Variants in TMC5 observed in about 807,000 individuals in gnomAD.
The protein encoded by TMC5 is transmembrane channel-like protein 5.
In TMC5, 86 loss-of-function variants were observed where a neutral mutation model predicts 110.5. That is an observed-to-expected ratio of 0.78 (90% CI 0.65 to 0.93). TMC5 has a LOEUF of 0.93. Ranked by LOEUF, TMC5 falls within the 40% of genes least tolerant of loss-of-function variation. TMC5 has a pLI of 0.00. For synonymous variants in TMC5, 455 were observed against 439.5 expected (o/e 1.04, Z -0.44); for missense variants, 1,144 against 1,222.8 (o/e 0.94, Z 0.96).
At position 19,497,144 on chromosome 16, in the gene TMC5, G is replaced by C; in HGVS notation, c.2955G>C (p.Gly985=). The C allele has an allele frequency of 1.2e-6, 2 of 1,613,930 alleles. No individual in the cohort carries two copies. The highest frequency in any genetic ancestry group is 1.7e-6 in the Non-Finnish European group (2 of 1,179,948). ...AGCAACAAGGCTTTTTGCATTTGGGGGAACATGATGGCAGTCTTGGTGAGT... is the reference window on the plus strand; with the variant it reads ...AGCAACAAGGCTTTTTGCATTTGGGCGAACATGATGGCAGTCTTGGTGAGT... ...EVEQQGFLHL[G]EHDGSLDLRS... Residue 985 remains glycine, a synonymous_variant, in exon 21 of 22, where the codon GGG becomes GGC. Coordinates refer to ENST00000542583, the MANE Select transcript of TMC5 (RefSeq NM_001261841.2).
chr16:19,497,062 A>G, intron 20 of TMC5, 59 bp from the exon 21 acceptor site: 1 of 1,590,098 alleles, frequency 6.3e-7, no homozygotes, highest in Non-Finnish European at 8.6e-7. Context: ...AATATGTGAC[A>G]AGACCCAGAA....
At chr16:19,446,089 TG>T (rs1483481476) in intron 4 of TMC5, among the ~76,000 whole-genome samples, 496 of 10,468 alleles carry the variant, frequency 0.047, 2 homozygotes, top group African/African-American at 0.15. Context: ...GGGGAAGAGT[TG>T]GGGGGAGGTG....
Position 19,498,183 on chromosome 16 carries a change from T to C in TMC5, c.*217T>C, listed in dbSNP as rs914969417. ...TGCTGATTTTTCAAGACAAAATACT[T>C]GGGGTTTTCCAATAAAGATTGTTGT... On this transcript the variant is annotated 3_prime_UTR_variant, in exon 22 of 22. Coordinates refer to ENST00000542583, the MANE Select transcript of TMC5 (RefSeq NM_001261841.2). 2 of 555,280 alleles carry C rather than the reference T, an allele frequency of 3.6e-6. No homozygotes were observed. Among genetic ancestry groups the C allele is most frequent in the African/African-American group, 3.8e-5 (2 of 52,230 alleles). 34.4% of individuals were successfully genotyped at this position (555,280 alleles called of 1,614,324 possible). A position where few individuals can be genotyped will look rare whatever the true frequency, so the allele number is the denominator to read the frequency against.
intron 1 of TMC5, among the ~76,000 whole-genome samples, chr16:19,412,458 C>T (rs1966858060): frequency 6.6e-6 from 1 of 152,052 alleles, no homozygotes; most frequent in South Asian, 2.1e-4. Context: ...CGCTGTCTCC[C>T]AGGTTCAAGC....
At chr16:19,480,670 T>C (rs1968595441) in intron 14 of TMC5, among the ~76,000 whole-genome samples, 1 of 151,942 alleles carries the variant, frequency 6.6e-6, no homozygotes, top group Non-Finnish European at 1.5e-5. Context: ...CCGAGCATGG[T>C]GGTGTGTGCC....
In TMC5 at chr16:19,440,521, G is replaced by T. The variant is rs771364798; in HGVS notation, c.483G>T (p.Pro161=). The change falls in exon 3 of 22, where the codon CCG becomes CCT. Residue 161 remains proline (P), a synonymous_variant. Transcript: ENST00000542583. ...THPDHFGSLE[P]DYPGAQSNSD... ...CAGATCATTTTGGCTCCTTAGAACC[G>T]GACTACCCTGGAGCTCAGAGCAACT... 1 of 1,614,100 alleles carries T rather than the reference G, an allele frequency of 6.2e-7. No homozygotes were observed. The highest frequency in any genetic ancestry group is 1.7e-5 in the Admixed American group (1 of 60,006).
At position 19,448,650 on chromosome 16, in the gene TMC5, A is replaced by AT. The variant is rs905786305; in HGVS notation, c.959-886dup. Among the ~76,000 whole-genome samples the AT allele has an allele frequency of 9.7e-5, 14 of 143,718 alleles. No homozygotes were observed. In the South Asian group the frequency reaches 2.8e-3, roughly 29 times the overall value. 94.3% of individuals were successfully genotyped at this position (143,718 alleles called of 152,430 possible). On this transcript the variant is annotated intron_variant, in intron 4 of 21. Coordinates refer to ENST00000542583, the MANE Select transcript of TMC5 (RefSeq NM_001261841.2). The stretch of plus-strand genomic sequence containing the variant: ...TATATTAATATATATATTTAATGTA[A>AT]TTTTTTATATTATATTTTATATTAA...
At position 19,436,316 on chromosome 16, in the gene TMC5, G is replaced by A. The variant is rs1016098702; in HGVS notation, c.-79-3644G>A. Among the ~76,000 whole-genome samples, 4 of 137,958 alleles carry A rather than the reference G, an allele frequency of 2.9e-5. No individual in the cohort carries two copies. In the South Asian group the frequency reaches 9.5e-4, roughly 33 times the overall value. The allele number at this position is 137,958 out of a possible 152,430, so 90.5% of individuals were successfully genotyped here. A position where few individuals can be genotyped will look rare whatever the true frequency, so the allele number is the denominator to read the frequency against. On this transcript the variant is annotated intron_variant, in intron 2 of 21. Transcript: ENST00000542583. ...AAAAAGAAAAAGAAAAACAGTTTCC[G>A]TGAACATTTTTCTTATCTTTTGGTA...
intron 5 of TMC5, among the ~76,000 whole-genome samples, chr16:19,451,481 A>G (rs2143519739): frequency 6.6e-6 from 1 of 152,250 alleles, no homozygotes; most frequent in East Asian, 1.9e-4. Flanking sequence ...ATATGTTTAA[A>G]TGTTATGACT....
In TMC5 at chr16:19,457,302, G is replaced by A. The variant is rs1326297574; in HGVS notation, c.1049-2933G>A. On this transcript the variant is annotated intron_variant, in intron 5 of 21. Coordinates refer to ENST00000542583, the MANE Select transcript of TMC5 (RefSeq NM_001261841.2). Reference sequence around the variant, plus strand: ...CCAGCTACTCAGGAGGCTAAGGTGGGAAGATCACTTGAGCCTAGGAGTTGG... The same window carrying A: ...CCAGCTACTCAGGAGGCTAAGGTGGAAAGATCACTTGAGCCTAGGAGTTGG... Among the ~76,000 whole-genome samples the A allele has an allele frequency of 2.0e-5, 3 of 152,302 alleles. 1 individual carries two copies. The South Asian group carries it at 6.2e-4, about 32-fold the overall frequency.
upstream of TMC5, among the ~76,000 whole-genome samples, chr16:19,416,791 T>C (rs1041980120): frequency 3.3e-5 from 5 of 152,242 alleles, no homozygotes; most frequent in Admixed American, 1.3e-4. Context: ...GGGATGTATC[T>C]ATAGAAAAAT....
At chr16:19,484,796 A>G (rs1440525810) in intron 15 of TMC5, among the ~76,000 whole-genome samples, 3 of 151,272 alleles carry the variant, frequency 2.0e-5, no homozygotes, top group Non-Finnish European at 4.4e-5. Flanking sequence ...AGAAATTACC[A>G]TTATGACTTC....
intron 8 of TMC5, among the ~76,000 whole-genome samples, chr16:19,464,906 T>C (rs1968120231): frequency 6.6e-6 from 1 of 151,944 alleles, no homozygotes; most frequent in Non-Finnish European, 1.5e-5. Context: ...ACCAAATAGA[T>C]GACAGGCACA....
At chr16:19,448,577 C>T (rs1410230858) in intron 4 of TMC5, among the ~76,000 whole-genome samples, 2 of 149,528 alleles carry the variant, frequency 1.3e-5, no homozygotes, top group African/African-American at 4.9e-5. Context: ...TGAAATCGCA[C>T]CACTGCACTC....
chr16:19,413,677 G>C (rs1966863815), upstream of TMC5, among the ~76,000 whole-genome samples: 1 of 151,676 alleles, frequency 6.6e-6, no homozygotes, highest in African/African-American at 2.4e-5. Flanking sequence ...AGGAATCCTA[G>C]CCTTTTAACA....
intron 6 of TMC5, chr16:19,462,503 C>T (rs1302320764): frequency 1.4e-5 from 10 of 701,622 alleles, no homozygotes; most frequent in African/African-American, 3.5e-5. Context: ...TTCCACACAG[C>T]AGGGGAGGCC....
At chr16:19,438,037 C>G (rs1967386295) in intron 2 of TMC5, among the ~76,000 whole-genome samples, 1 of 152,132 alleles carries the variant, frequency 6.6e-6, no homozygotes, top group Non-Finnish European at 1.5e-5. Context: ...CCTGAATCAC[C>G]TGGACCAAGA....
At chr16:19,451,038 G>A (rs1254795949) in intron 5 of TMC5, among the ~76,000 whole-genome samples, 3 of 152,174 alleles carry the variant, frequency 2.0e-5, no homozygotes, top group Non-Finnish European at 4.4e-5. Context: ...GGAGACCGAG[G>A]CGGTAGGATT....
Position 19,495,077 on chromosome 16 carries a change from G to C in TMC5, c.2931+711G>C, listed in dbSNP as rs1032841979. On this transcript the variant is annotated intron_variant, in intron 20 of 21. Coordinates refer to ENST00000542583, the MANE Select transcript of TMC5 (RefSeq NM_001261841.2). Reference sequence around the variant, plus strand: ...TCGCCCAGGCTGGAGTGCAGTGGCGGGATCTCGGCGCACTGCAAGCTCCGC... The same window carrying C: ...TCGCCCAGGCTGGAGTGCAGTGGCGCGATCTCGGCGCACTGCAAGCTCCGC... 1.3e-3 allele frequency among the ~76,000 whole-genome samples: 29 copies of C among 22,486 alleles called. 8 individuals carry two copies. In the East Asian group the frequency reaches 0.017, roughly 13 times the overall value. 14.8% of individuals were successfully genotyped at this position (22,486 alleles called of 152,430 possible).
Sources: allele counts gnomAD v4.1 joint callset (sites outside exome capture counted in the v4.1 genomes callset), GRCh38; gene constraint gnomAD v4.1.1; transcripts MANE v1.5; gene names NCBI Gene and HGNC (gene_info 2026-07-23, HGNC 2026-07-21).